The following NEK1 variants were observed in gnomAD, a reference collection of about 807,000 sequenced individuals.
NEK1 encodes the protein NIMA related kinase 1, also known as serine/threonine-protein kinase Nek1.
NEK1 carries 137 observed loss-of-function variants against 182.1 expected under a neutral mutation model. That is an observed-to-expected ratio of 0.75 (90% confidence interval 0.65 to 0.87). The LOEUF (loss-of-function observed/expected upper bound fraction) is 0.87. Among genes scored for constraint, NEK1 ranks in the 40% least tolerant of loss-of-function variants. The pLI, the probability that NEK1 is intolerant of heterozygous loss-of-function variation, is 0.00. For synonymous variants in NEK1, 513 were observed against 492.2 expected, an observed-to-expected ratio of 1.04 and a Z score of -0.56; for missense variants, 1,391 against 1,494.4, an observed-to-expected ratio of 0.93 and a Z score of 1.14.
intron 19 of NEK1, among the ~76,000 whole-genome samples, chr4:169,534,157 T>C (rs1758091352): frequency 6.6e-6 from 1 of 152,150 alleles, no homozygotes; most frequent in Admixed American, 6.5e-5. Flanking sequence ...TGAGGCTCAT[T>C]TGCATCCATA....
intron 12 of NEK1, among the ~76,000 whole-genome samples, chr4:169,565,323 T>C (rs1580803363): frequency 6.6e-6 from 1 of 152,188 alleles, no homozygotes; most frequent in South Asian, 2.1e-4. Context: ...CTACTTTCTA[T>C]CACTTGAAAC....
intron 23 of NEK1, among the ~76,000 whole-genome samples, chr4:169,500,280 T>C (rs894967873): frequency 6.6e-6 from 1 of 152,154 alleles, no homozygotes; most frequent in Non-Finnish European, 1.5e-5. Flanking sequence ...GTGACCCGAT[T>C]TTCCAGGTGC....
Position 169,400,288 on chromosome 4 carries a change from C to T in NEK1, c.3784G>A (p.Glu1262Lys). 1 of 1,562,758 alleles carries T rather than the reference C, an allele frequency of 6.4e-7. No homozygotes were observed. The highest frequency in any genetic ancestry group is 8.7e-7 in the Non-Finnish European group (1 of 1,151,290). The change falls in exon 35 of 36, where the codon GAA becomes AAA. Residue 1262 changes from glutamate to lysine, a missense_variant. This residue lies in a region of NEK1 where 1,216 missense variants were observed against 1,277.6 expected (regional missense o/e 0.95). Coordinates refer to ENST00000507142, the MANE Select transcript of NEK1 (RefSeq NM_001199397.3). ...ATCTTGGCATAAAGATGCTGATGTT[C>T]ATTTCCCAAAATATTTTGAACTATT... ...SKIVQNILGNEHQHLYAKILH... is the reference protein window; with the variant it reads ...SKIVQNILGNKHQHLYAKILH...
intron 23 of NEK1, among the ~76,000 whole-genome samples, chr4:169,482,354 C>T (rs1170846588): frequency 3.3e-5 from 5 of 150,902 alleles, no homozygotes; most frequent in African/African-American, 4.9e-5. Flanking sequence ...GATCCAGGCA[C>T]AATAATAGCT....
At chr4:169,605,775 A>G (rs945629530) in intron 2 of NEK1, among the ~76,000 whole-genome samples, 6 of 152,150 alleles carry the variant, frequency 3.9e-5, no homozygotes, top group African/African-American at 1.4e-4. Context: ...TACTCACTCT[A>G]TAGTGTTCTT....
In NEK1 at chr4:169,438,238, T is replaced by A; in HGVS notation, c.2609A>T (p.Lys870Met). Residue 870 changes from lysine to methionine, a missense_variant, in exon 28 of 36, where the codon AAG (lysine) becomes ATG (methionine). By Grantham distance (95) the Lys-to-Met change is moderately conservative. Coordinates refer to ENST00000507142, the MANE Select transcript of NEK1 (RefSeq NM_001199397.3). ...TTCTCCAGTAATTAAGGGTTTGTACTTTTCCCCTTCGGGAGAAATCTCTGT... is the reference window on the plus strand; with the variant it reads ...TTCTCCAGTAATTAAGGGTTTGTACATTTCCCCTTCGGGAGAAATCTCTGT... ...IRSEISPEGE[K>M]YKPLITGEKK... is the part of the protein sequence containing the mutation. The A allele has an allele frequency of 6.5e-7, 1 of 1,545,234 alleles. No homozygotes were observed. Among genetic ancestry groups the A allele is most frequent in the Non-Finnish European group, 8.7e-7 (1 of 1,144,572 alleles).
chr4:169,475,834 G>A (rs1746848408), intron 26 of NEK1, among the ~76,000 whole-genome samples: 1 of 152,062 alleles, frequency 6.6e-6, no homozygotes, highest in Non-Finnish European at 1.5e-5. Flanking sequence ...AGAATTAATA[G>A]CAGATTGGGT....
Position 169,585,463 on chromosome 4 carries a change from G to A in NEK1, c.693C>T (p.Leu231=). ...PPVSLHYSYD[L]RSLVSQLFKR... ...TAAATAACTGAGACACCAAACTGCG[G>A]AGATCATAGGAATAATGCAAAGACA... The change falls in exon 10 of 36, where the codon CTC becomes CTT. Residue 231 remains leucine (L), a synonymous_variant. Coordinates refer to ENST00000507142, the MANE Select transcript of NEK1 (RefSeq NM_001199397.3). The A allele has an allele frequency of 6.2e-7, 1 of 1,613,528 alleles. No individual in the cohort carries two copies. Among genetic ancestry groups the A allele is most frequent in the South Asian group, 1.1e-5 (1 of 91,052 alleles).
At chr4:169,435,464 A>C (rs1268072213) in intron 28 of NEK1, among the ~76,000 whole-genome samples, 2 of 152,176 alleles carry the variant, frequency 1.3e-5, no homozygotes, top group African/African-American at 4.8e-5. Context: ...TATTTAAGTT[A>C]CTGTGGTGAA....
intron 23 of NEK1, among the ~76,000 whole-genome samples, chr4:169,501,437 C>T (rs1402646808): frequency 1.3e-5 from 2 of 152,196 alleles, no homozygotes; most frequent in Non-Finnish European, 1.5e-5. Context: ...CAAACAACCA[C>T]AGAATATACA....
chr4:169,434,684 T>C (rs72691056), intron 28 of NEK1, among the ~76,000 whole-genome samples: 13,347 of 152,210 alleles, frequency 0.088, 756 homozygotes, highest in African/African-American at 0.16. Context: ...ACACTATCCC[T>C]CTTACTTCCC....
chr4:169,544,849 T>G (rs1214038453), intron 18 of NEK1, among the ~76,000 whole-genome samples: 2 of 151,790 alleles, frequency 1.3e-5, no homozygotes, highest in African/African-American at 4.8e-5. Context: ...CATTTTTTAT[T>G]GCATCTATTT....
intron 31 of NEK1, among the ~76,000 whole-genome samples, chr4:169,421,889 C>T (rs1735542412): frequency 6.6e-6 from 1 of 152,166 alleles, no homozygotes; most frequent in African/African-American, 2.4e-5. Context: ...TGAACACTAT[C>T]AACCAATTTG....
At chr4:169,544,599 G>GTTTTTTTTTTT (rs139478702) in intron 18 of NEK1, among the ~76,000 whole-genome samples, 3 of 66,302 alleles carry the variant, frequency 4.5e-5, no homozygotes, top group African/African-American at 1.1e-4. Flanking sequence ...TCTGGTCATG[G>GTTTTTTTTTTT]TTTTTTTTTT....
intron 35 of NEK1, among the ~76,000 whole-genome samples, chr4:169,397,534 T>C (rs1397004571): frequency 6.6e-6 from 1 of 152,206 alleles, no homozygotes; most frequent in Non-Finnish European, 1.5e-5. Context: ...CTAAGAGTTT[T>C]AGAAAAGATT....
chr4:169,451,833 A>G (rs1358015282), intron 27 of NEK1, among the ~76,000 whole-genome samples: 1 of 152,230 alleles, frequency 6.6e-6, no homozygotes, highest in African/African-American at 2.4e-5. Flanking sequence ...CAAAAAATCA[A>G]TGAATCCAGG....
At chr4:169,580,985 C>A in intron 10 of NEK1, 83 bp from the exon 11 acceptor site, 1 of 646,778 alleles carries the variant, frequency 1.5e-6, no homozygotes, top group African/African-American at 1.9e-5. Flanking sequence ...ATACATCTTC[C>A]CCTTTTTCAG....
At chr4:169,581,009 G>T in intron 10 of NEK1, 107 bp from the exon 11 acceptor site, 1 of 372,398 alleles carries the variant, frequency 2.7e-6, no homozygotes, top group East Asian at 5.9e-5. Flanking sequence ...TAATTATGCT[G>T]CCAAATAAAC....
At chr4:169,533,597 A>G (rs1303081281) in intron 19 of NEK1, among the ~76,000 whole-genome samples, 1 of 152,258 alleles carries the variant, frequency 6.6e-6, no homozygotes, top group African/African-American at 2.4e-5. Context: ...ATTAGAATTC[A>G]TGGACATGAA....
Sources: allele counts gnomAD v4.1 joint callset (sites outside exome capture counted in the v4.1 genomes callset), GRCh38; gene constraint gnomAD v4.1.1; regional missense constraint gnomAD v4.1.1; transcripts MANE v1.5; gene names NCBI Gene and HGNC (gene_info 2026-07-23, HGNC 2026-07-21).